Variants in CTNNA3 observed in about 807,000 individuals in gnomAD.
CTNNA3 encodes the protein catenin alpha 3.
A neutral mutation model predicts 95.7 loss-of-function variants in CTNNA3; 76 were observed. The ratio of observed to expected loss-of-function variants is 0.79; its 90% CI spans 0.66 to 0.96. The LOEUF is 0.96. Ranked by LOEUF, CTNNA3 falls within the 40% of genes least tolerant of loss-of-function variation. The pLI, the probability that CTNNA3 is intolerant of heterozygous loss-of-function variation, is 0.00. For missense variants in CTNNA3, 1,191 were observed against 1,089.8 expected, an observed-to-expected ratio of 1.09 and a Z score of -1.31; for synonymous variants, 431 against 374.4, an observed-to-expected ratio of 1.15 and a Z score of -1.74.
At chr10:67,688,071 T>C (rs945282776) in intron 1 of CTNNA3, among the ~76,000 whole-genome samples, 3 of 152,198 alleles carry the variant, frequency 2.0e-5, no homozygotes, top group Admixed American at 6.5e-5. Context: ...GGCCAGAGTT[T>C]GACCTAATAG....
chr10:67,762,985 G>C (rs1372845344), intron 1 of CTNNA3, among the ~76,000 whole-genome samples: 1 of 152,052 alleles, frequency 6.6e-6, no homozygotes, highest in African/African-American at 2.4e-5. Flanking sequence ...CGGGGAGCTC[G>C]GTTTTTCAGA....
At chr10:67,583,688 A>T (rs1405108878) in intron 3 of CTNNA3, among the ~76,000 whole-genome samples, 1 of 152,202 alleles carries the variant, frequency 6.6e-6, no homozygotes, top group Non-Finnish European at 1.5e-5. Context: ...CGTCACTTTC[A>T]GGTACACCAA....
chr10:66,360,671 C>T (rs561508414), intron 12 of CTNNA3, among the ~76,000 whole-genome samples: 3,247 of 65,300 alleles, frequency 0.05, 465 homozygotes, highest in Middle Eastern at 0.087. Flanking sequence ...TCCTTCCTTC[C>T]TTCCTTCCTT....
rs559776006 is a variant in CTNNA3, at chr10:65,993,438, T to C, written c.2160-4641A>G. Among the ~76,000 whole-genome samples, 11 of 152,358 alleles carry C rather than the reference T, an allele frequency of 7.2e-5. No individual in the cohort carries two copies. The East Asian group carries it at 1.7e-3, about 24-fold the overall frequency. On this transcript the variant is annotated intron_variant, in intron 15 of 17. Transcript: ENST00000433211. ...TCTGGATGATTTCATATTGGGTACATATGTATTTATAATTTTTATATTCTC... is the reference window on the plus strand; with the variant it reads ...TCTGGATGATTTCATATTGGGTACACATGTATTTATAATTTTTATATTCTC...
intron 15 of CTNNA3, among the ~76,000 whole-genome samples, chr10:66,030,298 T>A (rs1002790124): frequency 1.3e-4 from 20 of 151,996 alleles, no homozygotes; most frequent in African/African-American, 4.8e-4. Context: ...GCAGAAAACA[T>A]CACATTACTA....
chr10:66,019,372 A>G (rs1423818135), intron 15 of CTNNA3, among the ~76,000 whole-genome samples: 1 of 152,156 alleles, frequency 6.6e-6, no homozygotes, highest in African/African-American at 2.4e-5. Flanking sequence ...TTTTAAATAG[A>G]TCAGTGTTGT....
intron 3 of CTNNA3, among the ~76,000 whole-genome samples, chr10:67,602,347 C>T (rs1042975043): frequency 6.6e-6 from 1 of 152,196 alleles, no homozygotes; most frequent in African/African-American, 2.4e-5. Context: ...TTCACTGTCA[C>T]TATCCCTACT....
At chr10:65,981,075 A>T (rs1175199097) in intron 16 of CTNNA3, among the ~76,000 whole-genome samples, 1 of 152,048 alleles carries the variant, frequency 6.6e-6, no homozygotes, top group African/African-American at 2.4e-5. Flanking sequence ...TGATGATATG[A>T]TCATATATCC....
chr10:65,962,101 T>C (rs1454355113), intron 17 of CTNNA3, among the ~76,000 whole-genome samples: 51 of 152,144 alleles, frequency 3.4e-4, no homozygotes, highest in Admixed American at 3.3e-3. Context: ...TTGGAATCAC[T>C]TTGTGAAAAA....
chr10:66,013,194 C>T (rs1014825943), intron 15 of CTNNA3, among the ~76,000 whole-genome samples: 1 of 152,180 alleles, frequency 6.6e-6, no homozygotes, highest in South Asian at 2.1e-4. Flanking sequence ...AGCCACCGTG[C>T]CTGGCCTCAA....
intron 12 of CTNNA3, among the ~76,000 whole-genome samples, chr10:66,293,416 A>G (rs1023448584): frequency 6.9e-6 from 1 of 144,208 alleles, no homozygotes; most frequent in African/African-American, 2.7e-5. Flanking sequence ...TGTAATATCT[A>G]TCAATGTAGT....
chr10:66,198,715 T>G (rs1334788211), intron 13 of CTNNA3, among the ~76,000 whole-genome samples: 1 of 152,116 alleles, frequency 6.6e-6, no homozygotes, highest in Non-Finnish European at 1.5e-5. Context: ...AGAAACCTCC[T>G]CAGCCAAATA....
chr10:66,301,238 C>A (rs1391534763), intron 12 of CTNNA3, among the ~76,000 whole-genome samples: 1 of 151,888 alleles, frequency 6.6e-6, no homozygotes, highest in Admixed American at 6.6e-5. Flanking sequence ...GTTAATTCTA[C>A]CAAACACTGA....
chr10:67,647,423 T>G lies in CTNNA3; in HGVS notation c.91A>C (p.Ile31Leu). The G allele has an allele frequency of 6.2e-7, 1 of 1,611,476 alleles. No homozygotes were observed. Among genetic ancestry groups the G allele is most frequent in the Non-Finnish European group, 8.5e-7 (1 of 1,177,860 alleles). Residue 31 changes from isoleucine (I) to leucine (L), a missense_variant, in exon 2 of 18, where the codon ATA becomes CTA. Physicochemically the swap from Ile to Leu is conservative, Grantham distance 5. Coordinates refer to ENST00000433211, the MANE Select transcript of CTNNA3 (RefSeq NM_013266.4). ...TTCCATGGTATTAATACCTGGATTATGAGAGGCTCCAGTAGCTTCTCCACG... is the reference window on the plus strand; with the variant it reads ...TTCCATGGTATTAATACCTGGATTAGGAGAGGCTCCAGTAGCTTCTCCACG... ...FTVEKLLEPL[I>L]IQVTTLVNCP...
At chr10:66,675,320 C>T (rs75391616) in intron 9 of CTNNA3, among the ~76,000 whole-genome samples, 2 of 151,642 alleles carry the variant, frequency 1.3e-5, no homozygotes, top group East Asian at 3.9e-4. Context: ...TTACTACATA[C>T]CTTTTTGCTC....
chr10:66,868,182 C>A (rs1033993291), intron 7 of CTNNA3, among the ~76,000 whole-genome samples: 1 of 148,408 alleles, frequency 6.7e-6, no homozygotes, highest in Non-Finnish European at 1.5e-5. Context: ...CATGGTAAAA[C>A]CCCATCTCTA....
At chr10:67,723,140 C>T (rs1189548958) in intron 1 of CTNNA3, among the ~76,000 whole-genome samples, 1 of 151,966 alleles carries the variant, frequency 6.6e-6, no homozygotes, top group Non-Finnish European at 1.5e-5. Context: ...ACACGCGCCA[C>T]CACACCTGGC....
chr10:67,028,223 T>A (rs1853508552), intron 7 of CTNNA3, among the ~76,000 whole-genome samples: 1 of 152,220 alleles, frequency 6.6e-6, no homozygotes, highest in Non-Finnish European at 1.5e-5. Context: ...TTCAGTTTTG[T>A]GGTTTGTCAT....
At chr10:66,933,428 A>C (rs1847518986) in intron 7 of CTNNA3, among the ~76,000 whole-genome samples, 1 of 152,258 alleles carries the variant, frequency 6.6e-6, no homozygotes, top group Non-Finnish European at 1.5e-5. Flanking sequence ...GCTTTCAATC[A>C]GGACGTTTAC....
Sources: allele counts gnomAD v4.1 joint callset (sites outside exome capture counted in the v4.1 genomes callset), GRCh38; gene constraint gnomAD v4.1.1; transcripts MANE v1.5; gene names NCBI Gene and HGNC (gene_info 2026-07-23, HGNC 2026-07-21).